VPS13A: variants seen among roughly 807,000 people sequenced by gnomAD.
VPS13A encodes the protein intermembrane lipid transfer protein VPS13A.
In VPS13A, 264 loss-of-function variants were observed where a neutral mutation model predicts 390.9. That is an observed-to-expected ratio of 0.68 (90% CI 0.61 to 0.75). The LOEUF (loss-of-function observed/expected upper bound fraction) is 0.75, where lower values mean the gene tolerates loss of function less well. Ranked by LOEUF, VPS13A falls within the 30% of genes least tolerant of loss-of-function variation. The pLI, the probability that VPS13A is intolerant of heterozygous loss-of-function variation, is 0.00. For synonymous variants in VPS13A, 1,231 were observed against 1,227.1 expected (o/e 1.00, Z -0.07); for missense variants, 3,409 against 3,733.9 (o/e 0.91, Z 2.27).
chr9:77,343,078 C>G (rs886418793), intron 50 of VPS13A, among the ~76,000 whole-genome samples: 3 of 152,190 alleles, frequency 2.0e-5, no homozygotes, highest in Non-Finnish European at 4.4e-5. Context: ...TTCCAGTTCT[C>G]AGCTCAGGCG....
rs1230035116 is a variant in VPS13A at position 77,202,539 on chromosome 9, A to G, written c.187+1132A>G. Among the ~76,000 whole-genome samples the G allele has an allele frequency of 3.9e-5, 6 of 152,232 alleles. No individual in the cohort carries two copies. The East Asian group carries it at 9.7e-4, about 24-fold the overall frequency. ...ATGCATATTTGGATATTGTAGAATAATTTTATTTTTCCATTGGTACAGAAG... is the reference window on the plus strand; with the variant it reads ...ATGCATATTTGGATATTGTAGAATAGTTTTATTTTTCCATTGGTACAGAAG... On this transcript the variant is annotated intron_variant, in intron 3 of 71. Transcript: ENST00000360280.
intron 17 of VPS13A, among the ~76,000 whole-genome samples, chr9:77,233,465 C>T (rs1166328541): frequency 6.6e-6 from 1 of 151,854 alleles, no homozygotes; most frequent in Non-Finnish European, 1.5e-5. Flanking sequence ...ATTTGCTCTT[C>T]TCTTTTTAGT....
chr9:77,352,384 C>G (rs1314114305), intron 53 of VPS13A, among the ~76,000 whole-genome samples: 2 of 151,714 alleles, frequency 1.3e-5, no homozygotes, highest in African/African-American at 4.8e-5. Context: ...GGTATTTTCT[C>G]ATTGTCTTTC....
chr9:77,406,631 G>A (rs1587729378), intron 70 of VPS13A, among the ~76,000 whole-genome samples: 1 of 151,626 alleles, frequency 6.6e-6, no homozygotes, highest in African/African-American at 2.4e-5. Context: ...TGGCCAGTCT[G>A]GTCTTGAATT....
chr9:77,370,182 C>A, intron 63 of VPS13A, 75 bp from the exon 64 acceptor site: 1 of 1,520,418 alleles, frequency 6.6e-7, no homozygotes, highest in Non-Finnish European at 9.1e-7. Flanking sequence ...CCTCTTTCGT[C>A]GTATATATCC....
In VPS13A at chr9:77,415,952, G is replaced by GCAGTGGATCCTCACAAAGCTACAAGAAGC. The variant is rs2131675925; in HGVS notation, c.9475-3_9500dup. ...GCAAATGTTCATTTATTTTCCCACCGCAGTGGATCCTCACAAAGCTACAAG... is the reference window on the plus strand; with the variant it reads ...GCAAATGTTCATTTATTTTCCCACCGCAGTGGATCCTCACAAAGCTACAAGAAGCCAGTGGATCCTCACAAAGCTACAAG... On this transcript the variant is annotated splice_polypyrimidine_tract_variant and splice_region_variant and intron_variant, in intron 71 of 71. Transcript: ENST00000360280. 6.2e-7 allele frequency: 1 copy of GCAGTGGATCCTCACAAAGCTACAAGAAGC among 1,612,880 alleles called. No homozygotes were observed. Among genetic ancestry groups the GCAGTGGATCCTCACAAAGCTACAAGAAGC allele is most frequent in the South Asian group, 1.1e-5 (1 of 91,056 alleles).
intron 1 of VPS13A, among the ~76,000 whole-genome samples, chr9:77,188,182 G>A (rs1006075911): frequency 3.3e-5 from 5 of 152,176 alleles, no homozygotes; most frequent in East Asian, 1.9e-4. Context: ...AGCTTCCTGC[G>A]TCCTCCCCAG....
chr9:77,199,160 G>A (rs935832200), intron 1 of VPS13A, among the ~76,000 whole-genome samples: 10 of 151,770 alleles, frequency 6.6e-5, no homozygotes, highest in African/African-American at 2.4e-4. Context: ...ATTTTTTATA[G>A]CAACTTTGAT....
chr9:77,245,112 A>C (rs2131253657), intron 19 of VPS13A, among the ~76,000 whole-genome samples: 1 of 152,316 alleles, frequency 6.6e-6, no homozygotes. Flanking sequence ...ATTTTGTTGT[A>C]AGTGCAATGG....
In VPS13A at chr9:77,177,823, C is replaced by T. The variant is rs376153095; in HGVS notation, c.100+19C>T. 1.9e-5 allele frequency: 31 copies of T among 1,598,834 alleles called. No individual in the cohort carries two copies. The highest frequency in any genetic ancestry group is 2.5e-5 in the Non-Finnish European group (29 of 1,171,286). On this transcript the variant is annotated intron_variant, in intron 1 of 71. Transcript: ENST00000360280. Reference sequence around the variant, plus strand: ...TGGAAAGGTAAGGAGGCCGCCGCCGCCGCTCCCCGGCCTCTCGTGCTTCCC... The same window carrying T: ...TGGAAAGGTAAGGAGGCCGCCGCCGTCGCTCCCCGGCCTCTCGTGCTTCCC...
At chr9:77,276,960 C>CA (rs1282342908) in intron 26 of VPS13A, among the ~76,000 whole-genome samples, 2 of 152,152 alleles carry the variant, frequency 1.3e-5, no homozygotes, top group Admixed American at 6.5e-5. Context: ...TATGAGTTAA[C>CA]ATATTCTCAG....
Position 77,360,567 on chromosome 9 carries a change from C to G in VPS13A, c.8137C>G (p.Leu2713Val), listed in dbSNP as rs1832086785. 1 of 1,612,828 alleles carries G rather than the reference C, an allele frequency of 6.2e-7. No homozygotes were observed. The highest frequency in any genetic ancestry group is 8.5e-7 in the Non-Finnish European group (1 of 1,179,262). Residue 2713 changes from leucine (L) to valine (V), a missense_variant, in exon 59 of 72, where the codon CTC (leucine) becomes GTC (valine). Around this residue, in one of 5 missense-constraint regions of VPS13A, gnomAD observed 221 missense variants for 300.7 expected, o/e 0.73. Transcript: ENST00000360280. ...YFKVLIQEMD[L>V]RLDLGFIYAL... ...CAAAGTATTGATTCAAGAAATGGAT[C>G]TCAGGTTAGATCTTGGGTTTATCTA...
In VPS13A at chr9:77,366,777, A is replaced by C. The variant is rs2131580265; in HGVS notation, c.8376A>C (p.Ser2792=). Residue 2792 remains serine (S), a synonymous_variant, in exon 61 of 72, where the codon TCA becomes TCC. Transcript: ENST00000360280. ...LSSGREEAKD[S]KQNGGLIPVH... is the part of the protein sequence containing the mutation. Reference sequence around the variant, plus strand: ...CCGGCAGAGAAGAAGCTAAAGATTCAAAACAAAATGGAGGACTGATTCCAG... The same window carrying C: ...CCGGCAGAGAAGAAGCTAAAGATTCCAAACAAAATGGAGGACTGATTCCAG... 1 of 1,613,384 alleles carries C rather than the reference A, an allele frequency of 6.2e-7. No homozygotes were observed. The highest frequency in any genetic ancestry group is 8.5e-7 in the Non-Finnish European group (1 of 1,179,552).
At chr9:77,277,095 G>A (rs2131334869) in intron 26 of VPS13A, among the ~76,000 whole-genome samples, 1 of 152,098 alleles carries the variant, frequency 6.6e-6, no homozygotes, top group East Asian at 1.9e-4. Flanking sequence ...TCCTATGTTA[G>A]GTAATTAGGA....
At chr9:77,190,626 A>G (rs1224851702) in intron 1 of VPS13A, among the ~76,000 whole-genome samples, 5 of 152,130 alleles carry the variant, frequency 3.3e-5, no homozygotes, top group Admixed American at 1.3e-4. Flanking sequence ...CTCCTTCTCA[A>G]TTTTTTGGAA....
chr9:77,314,040 T>C lies in VPS13A; in HGVS notation c.4163T>C (p.Leu1388Ser), dbSNP rs2131426049. The stretch of plus-strand genomic sequence containing the variant: ...GTGGTAGAAGTACATTCACGTGCCT[T>C]ACTAGTTAAGACAACACTAAACATA... ...AAVVEVHSRA[L>S]LVKTTLNISF... The change falls in exon 36 of 72, where the codon TTA (leucine) becomes TCA (serine). Residue 1388 changes from leucine (L) to serine (S), a missense_variant. Around this residue, in one of 5 missense-constraint regions of VPS13A, gnomAD observed 2,717 missense variants for 2,917.4 expected, o/e 0.93. Coordinates refer to ENST00000360280, the MANE Select transcript of VPS13A (RefSeq NM_033305.3). 1 of 1,613,412 alleles carries C rather than the reference T, an allele frequency of 6.2e-7. No homozygotes were observed. Among genetic ancestry groups the C allele is most frequent in the Non-Finnish European group, 8.5e-7 (1 of 1,179,594 alleles).
intron 33 of VPS13A, among the ~76,000 whole-genome samples, chr9:77,298,369 G>T (rs768238973): frequency 2.6e-5 from 4 of 152,172 alleles, no homozygotes; most frequent in Non-Finnish European, 5.9e-5. Context: ...ATATGAAGAA[G>T]AATGCTGAGG....
chr9:77,345,148 A>T lies in VPS13A; in HGVS notation c.7289+6A>T, dbSNP rs200517634. On this transcript the variant is annotated splice_donor_region_variant and intron_variant, in intron 52 of 71. Coordinates refer to ENST00000360280, the MANE Select transcript of VPS13A (RefSeq NM_033305.3). Reference sequence around the variant, plus strand: ...CTTGTTCAATACAATCAAAGGTAAGATTATCACAAATACAGTAACTCTTGA... The same window carrying T: ...CTTGTTCAATACAATCAAAGGTAAGTTTATCACAAATACAGTAACTCTTGA... 1.1e-5 allele frequency: 18 copies of T among 1,612,508 alleles called. No individual in the cohort carries two copies. The highest frequency in any genetic ancestry group is 1.4e-5 in the Non-Finnish European group (17 of 1,179,498).
intron 67 of VPS13A, among the ~76,000 whole-genome samples, chr9:77,378,245 A>G (rs79561917): frequency 0.025 from 3,844 of 152,222 alleles, 154 homozygotes; most frequent in East Asian, 0.18. Context: ...TAATTAAAAA[A>G]AAAATTTGGA....
Sources: gnomAD v4.1 joint callset for allele counts (sites outside exome capture counted in the v4.1 genomes callset) on GRCh38, gnomAD v4.1.1 for gene constraint, gnomAD v4.1.1 regional missense constraint, MANE v1.5 for transcripts, NCBI Gene and HGNC (gene_info 2026-07-23, HGNC 2026-07-21) for gene names.